The following CREB5 variants were observed in gnomAD, a reference collection of about 807,000 sequenced individuals.
CREB5 encodes the protein cAMP responsive element binding protein 5.
Under a neutral mutation model 57.1 loss-of-function variants are expected in CREB5, and 19 were observed. That is an observed-to-expected ratio of 0.33 (90% CI 0.23 to 0.49). The LOEUF (loss-of-function observed/expected upper bound fraction) is 0.49, where lower values mean the gene tolerates loss of function less well. Among genes scored for constraint, CREB5 ranks in the 20% least tolerant of loss-of-function variants. CREB5 has a pLI of 0.99. For synonymous variants in CREB5, 238 were observed against 238.3 expected (o/e 1.00, Z 0.01); for missense variants, 579 against 671.6 (o/e 0.86, Z 1.52).
chr7:28,602,759 G>A (rs1796972167), intron 5 of CREB5, among the ~76,000 whole-genome samples: 1 of 152,124 alleles, frequency 6.6e-6, no homozygotes, highest in African/African-American at 2.4e-5. Context: ...GAATCCTTGT[G>A]GTGATGGAAC....
At chr7:28,571,917 C>T (rs935496226) in intron 5 of CREB5, among the ~76,000 whole-genome samples, 7 of 152,112 alleles carry the variant, frequency 4.6e-5, no homozygotes, top group African/African-American at 7.2e-5. Context: ...TGAGAAGGGG[C>T]GCTTGCTGTG....
At chr7:28,616,322 G>T (rs1272191312) in intron 5 of CREB5, among the ~76,000 whole-genome samples, 1 of 152,160 alleles carries the variant, frequency 6.6e-6, no homozygotes, top group Non-Finnish European at 1.5e-5. Context: ...GGTGAAGTCT[G>T]ATTCTGTCAT....
chr7:28,458,930 C>T (rs1790229284), intron 1 of CREB5, among the ~76,000 whole-genome samples: 1 of 152,204 alleles, frequency 6.6e-6, no homozygotes, highest in Non-Finnish European at 1.5e-5. Flanking sequence ...TGTGATAACC[C>T]TGGTGGGCCT....
chr7:28,728,675 A>G (rs1208833258), intron 7 of CREB5, among the ~76,000 whole-genome samples: 1 of 152,182 alleles, frequency 6.6e-6, no homozygotes, highest in Non-Finnish European at 1.5e-5. Context: ...CTCCTTGAAG[A>G]TGATCTTTGC....
intron 4 of CREB5, among the ~76,000 whole-genome samples, chr7:28,514,407 T>C (rs534323672): frequency 6.6e-6 from 1 of 152,172 alleles, no homozygotes; most frequent in East Asian, 1.9e-4. Context: ...TTATTTTTTA[T>C]TTTTTGGAGA....
At chr7:28,560,969 T>TGTGTGTGCGTGCGTGCGC (rs1795220197) in intron 4 of CREB5, among the ~76,000 whole-genome samples, 1 of 24,956 alleles carries the variant, frequency 4.0e-5, no homozygotes, top group Admixed American at 4.7e-4. Flanking sequence ...TGCGTGTGTG[T>TGTGTGTGCGTGCGTGCGC]GTGCGTGTGT....
chr7:28,436,189 C>T (rs1788954138), intron 1 of CREB5, among the ~76,000 whole-genome samples: 1 of 152,046 alleles, frequency 6.6e-6, no homozygotes, highest in African/African-American at 2.4e-5. Flanking sequence ...ACCTGATATG[C>T]CCTCTCCAGT....
At chr7:28,431,770 G>A (rs982801669) in intron 1 of CREB5, among the ~76,000 whole-genome samples, 2 of 152,078 alleles carry the variant, frequency 1.3e-5, no homozygotes, top group African/African-American at 4.8e-5. Context: ...GAGGCGTTCT[G>A]GTGGTATGAG....
At chr7:28,664,709 C>G (rs1170889306) in intron 5 of CREB5, among the ~76,000 whole-genome samples, 1 of 152,098 alleles carries the variant, frequency 6.6e-6, no homozygotes, top group Non-Finnish European at 1.5e-5. Context: ...AAAGATTCAC[C>G]AAGATTCATA....
At chr7:28,796,359 C>T (rs181632162) in intron 7 of CREB5, among the ~76,000 whole-genome samples, 19 of 152,214 alleles carry the variant, frequency 1.2e-4, no homozygotes, top group African/African-American at 3.6e-4. Flanking sequence ...AGAATATGTC[C>T]GTGTTTCATT....
intron 1 of CREB5, among the ~76,000 whole-genome samples, chr7:28,307,449 C>T (rs1220193468): frequency 6.6e-6 from 1 of 152,202 alleles, no homozygotes; most frequent in Non-Finnish European, 1.5e-5. Context: ...AGACTGGGCC[C>T]CTCACCAGGT....
At chr7:28,513,245 T>A (rs1045565766) in intron 4 of CREB5, among the ~76,000 whole-genome samples, 7 of 152,234 alleles carry the variant, frequency 4.6e-5, no homozygotes, top group African/African-American at 1.7e-4. Context: ...AGATGCCAAG[T>A]TGAGCAAACT....
At chr7:28,527,831 T>C (rs1793512767) in intron 4 of CREB5, among the ~76,000 whole-genome samples, 1 of 152,140 alleles carries the variant, frequency 6.6e-6, no homozygotes, top group East Asian at 1.9e-4. Context: ...AAAATTCTCT[T>C]GTGAAATATA....
At chr7:28,536,632 C>A (rs1199126823) in intron 4 of CREB5, among the ~76,000 whole-genome samples, 1 of 152,192 alleles carries the variant, frequency 6.6e-6, no homozygotes, top group African/African-American at 2.4e-5. Context: ...GGTCATCAAT[C>A]CTAAATTAAC....
chr7:28,626,083 G>C (rs1034232524), intron 5 of CREB5, among the ~76,000 whole-genome samples: 1 of 152,018 alleles, frequency 6.6e-6, no homozygotes, highest in Non-Finnish European at 1.5e-5. Flanking sequence ...CATTCTATTT[G>C]GGTGTGTCAT....
At chr7:28,651,578 C>CA (rs1324999550) in intron 5 of CREB5, among the ~76,000 whole-genome samples, 1 of 151,962 alleles carries the variant, frequency 6.6e-6, no homozygotes, top group Non-Finnish European at 1.5e-5. Context: ...CCCATCTCTA[C>CA]AAAAAAATTA....
At chr7:28,325,649 G>C (rs945102635) in intron 1 of CREB5, among the ~76,000 whole-genome samples, 3 of 151,964 alleles carry the variant, frequency 2.0e-5, no homozygotes, top group African/African-American at 4.8e-5. Context: ...CCTTTTCTTT[G>C]TTCCTCTAAT....
chr7:28,547,295 A>G (rs1794458638), intron 4 of CREB5, among the ~76,000 whole-genome samples: 1 of 152,232 alleles, frequency 6.6e-6, no homozygotes, highest in Non-Finnish European at 1.5e-5. Flanking sequence ...TATCAGCACC[A>G]ACACTTGTAA....
At chr7:28,403,822 T>C (rs1787525359) in intron 1 of CREB5, among the ~76,000 whole-genome samples, 1 of 152,204 alleles carries the variant, frequency 6.6e-6, no homozygotes, top group South Asian at 2.1e-4. Context: ...TAGAAAGTTT[T>C]TTCTCTCTTG....
Sources: gnomAD v4.1 joint callset for allele counts (sites outside exome capture counted in the v4.1 genomes callset) on GRCh38, gnomAD v4.1.1 for gene constraint, MANE v1.5 for transcripts, NCBI Gene and HGNC (gene_info 2026-07-23, HGNC 2026-07-21) for gene names.